KAZN: variants seen among roughly 807,000 people sequenced by gnomAD.
KAZN encodes kazrin.
In KAZN, 40 loss-of-function variants were observed where a neutral mutation model predicts 87.4. The ratio of observed to expected loss-of-function variants is 0.46; its 90% CI spans 0.36 to 0.60. The LOEUF is 0.60. Ranked by LOEUF, KAZN falls within the 20% of genes least tolerant of loss-of-function variation. KAZN has a pLI of 0.00. For synonymous variants in KAZN, 466 were observed against 458.3 expected (o/e 1.02, Z -0.22); for missense variants, 898 against 1,073.9 (o/e 0.84, Z 2.29).
chr1:13,927,485 C>T (rs1640327697), intron 1 of KAZN, among the ~76,000 whole-genome samples: 4 of 152,190 alleles, frequency 2.6e-5, no homozygotes, highest in Admixed American at 2.0e-4. Context: ...AAAGAACCAT[C>T]AGAGGTGGGT....
intron 2 of KAZN, among the ~76,000 whole-genome samples, chr1:14,588,333 A>G (rs1675981133): frequency 6.6e-6 from 1 of 152,232 alleles, no homozygotes; most frequent in African/African-American, 2.4e-5. Context: ...ATTTAATGTA[A>G]AATATCTTCA....
chr1:14,479,995 T>C (rs1329456575), intron 2 of KAZN, among the ~76,000 whole-genome samples: 2 of 152,202 alleles, frequency 1.3e-5, no homozygotes, highest in African/African-American at 4.8e-5. Flanking sequence ...GTTGAACAGC[T>C]AAAGAGCTGA....
intron 2 of KAZN, among the ~76,000 whole-genome samples, chr1:14,396,683 C>T (rs918756800): frequency 6.6e-6 from 1 of 152,218 alleles, no homozygotes; most frequent in African/African-American, 2.4e-5. Flanking sequence ...GTGTTATCCT[C>T]ATCTTACCCC....
chr1:14,031,130 T>C (rs1641310622), intron 1 of KAZN, among the ~76,000 whole-genome samples: 1 of 152,238 alleles, frequency 6.6e-6, no homozygotes, highest in East Asian at 1.9e-4. Context: ...TTTGGAGATT[T>C]GACTGTTATT....
intron 2 of KAZN, among the ~76,000 whole-genome samples, chr1:14,984,461 C>A: frequency 6.6e-6 from 1 of 152,082 alleles, no homozygotes; most frequent in East Asian, 1.9e-4. Context: ...GGGAAAAGGG[C>A]CTTCTCATAT....
chr1:14,467,545 G>A (rs1027239704), intron 2 of KAZN, among the ~76,000 whole-genome samples: 2 of 151,908 alleles, frequency 1.3e-5, no homozygotes, highest in Non-Finnish European at 2.9e-5. Context: ...GATTAGCAGA[G>A]TGGCTTTTTT....
chr1:14,947,196 T>C (rs1312411115), intron 1 of KAZN, among the ~76,000 whole-genome samples: 5 of 152,224 alleles, frequency 3.3e-5, no homozygotes, highest in African/African-American at 1.2e-4. Flanking sequence ...GTGGATGGTG[T>C]CATGAGGTGG....
chr1:14,925,738 C>G (rs907702783), intron 1 of KAZN, among the ~76,000 whole-genome samples: 1 of 152,164 alleles, frequency 6.6e-6, no homozygotes, highest in African/African-American at 2.4e-5. Context: ...CACAAGGCCC[C>G]CTATTCTTGT....
intron 1 of KAZN, among the ~76,000 whole-genome samples, chr1:14,812,240 A>G (rs576204568): frequency 1.3e-5 from 2 of 152,304 alleles, no homozygotes; most frequent in South Asian, 4.1e-4. Context: ...CCCTGCCTCC[A>G]GGTGGACTCA....
intron 2 of KAZN, among the ~76,000 whole-genome samples, chr1:14,342,034 C>T (rs926120061): frequency 6.6e-5 from 10 of 152,084 alleles, no homozygotes; most frequent in African/African-American, 2.2e-4. Context: ...TGCATGTGTC[C>T]GTGCGTTCTC....
At chr1:14,999,865 C>A (rs186226520) in intron 2 of KAZN, among the ~76,000 whole-genome samples, 2 of 152,188 alleles carry the variant, frequency 1.3e-5, no homozygotes, top group Admixed American at 6.5e-5. Context: ...CTGCCCTGTC[C>A]GGCTTGACTT....
intron 2 of KAZN, among the ~76,000 whole-genome samples, chr1:14,388,180 C>T (rs545643076): frequency 7.9e-5 from 12 of 152,310 alleles, no homozygotes; most frequent in African/African-American, 1.4e-4. Flanking sequence ...GGCTGGCACA[C>T]GGTGCGAGCA....
At chr1:13,967,085 C>T (rs531779479) in intron 1 of KAZN, among the ~76,000 whole-genome samples, 1 of 152,098 alleles carries the variant, frequency 6.6e-6, no homozygotes, top group Non-Finnish European at 1.5e-5. Flanking sequence ...TCTGTAGCAC[C>T]TTAGATGGGA....
chr1:14,346,534 C>G (rs1464837389), intron 2 of KAZN, among the ~76,000 whole-genome samples: 1 of 152,064 alleles, frequency 6.6e-6, no homozygotes, highest in Non-Finnish European at 1.5e-5. Flanking sequence ...GCAGTCGATA[C>G]TCAGTGGTTT....
intron 2 of KAZN, among the ~76,000 whole-genome samples, chr1:14,217,067 A>G (rs1438824980): frequency 6.6e-6 from 1 of 152,136 alleles, no homozygotes; most frequent in Non-Finnish European, 1.5e-5. Context: ...AAATAACTCA[A>G]TTTAAGGGGG....
chr1:14,647,280 A>G (rs1308227500), intron 1 of KAZN, among the ~76,000 whole-genome samples: 1 of 152,228 alleles, frequency 6.6e-6, no homozygotes, highest in East Asian at 1.9e-4. Context: ...ATGAAAAGAA[A>G]TCAAAACCCA....
At chr1:14,690,350 G>A (rs1641213341) in intron 1 of KAZN, among the ~76,000 whole-genome samples, 1 of 152,178 alleles carries the variant, frequency 6.6e-6, no homozygotes, top group Admixed American at 6.5e-5. Flanking sequence ...CCCAGATTTA[G>A]GGAGGCCACT....
At position 14,027,648 on chromosome 1, in the gene KAZN, C is replaced by G. The variant is rs200527146; in HGVS notation, c.91+133892C>G. ...TTGCTTTTCACAGGTCTACAGTCAG[C>G]TGTCTCATCATATAGTTAACTTACA... On this transcript the variant is annotated intron_variant, in intron 1 of 16. Coordinates refer to the KAZN transcript ENST00000636203. 6.6e-5 allele frequency among the ~76,000 whole-genome samples: 10 copies of G among 152,176 alleles called. No homozygotes were observed. In the East Asian group the frequency reaches 1.4e-3, roughly 21 times the overall value.
chr1:14,574,445 A>G (rs6429668), intron 2 of KAZN, among the ~76,000 whole-genome samples: 148,225 of 152,228 alleles, frequency 0.97, 72,323 homozygotes, highest in Middle Eastern at 1. Context: ...GATTTCCCCC[A>G]TACTGGACTG....
Sources: gnomAD v4.1 joint callset for allele counts (sites outside exome capture counted in the v4.1 genomes callset) on GRCh38, gnomAD v4.1.1 for gene constraint, MANE v1.5 for transcripts, NCBI Gene and HGNC (gene_info 2026-07-23, HGNC 2026-07-21) for gene names.